TG: variants seen among roughly 807,000 people sequenced by gnomAD.
TG encodes thyroid hormones.
Under a neutral mutation model 324.7 loss-of-function variants are expected in TG, and 270 were observed. The ratio of observed to expected loss-of-function variants is 0.83; its 90% confidence interval spans 0.75 to 0.92. The LOEUF is 0.92. TG is among the 40% of genes least tolerant of loss of function. The pLI, the probability that TG is intolerant of heterozygous loss-of-function variation, is 0.00. For synonymous variants in TG, 1,401 were observed against 1,327.0 expected (o/e 1.06, Z -1.21); for missense variants, 3,591 against 3,456.4 (o/e 1.04, Z -0.98).
intron 35 of TG, among the ~76,000 whole-genome samples, chr8:132,989,795 G>T (rs903286406): frequency 1.3e-5 from 2 of 152,128 alleles, no homozygotes; most frequent in African/African-American, 2.4e-5. Context: ...TGTCAGCACC[G>T]GCGGGAAGCA....
chr8:132,871,641 GAA>G, intron 4 of TG, 90 bp downstream of exon 4: 1 of 1,311,836 alleles, frequency 7.6e-7, no homozygotes, highest in African/African-American at 1.5e-5. Flanking sequence ...GTTTCCTGCC[GAA>G]GTGGGCAGAG....
chr8:132,964,542 A>G, intron 29 of TG: 1 of 212,688 alleles, frequency 4.7e-6, no homozygotes, highest in Non-Finnish European at 9.3e-6. Context: ...TTTGTGTATC[A>G]GGTTACTCCC....
At chr8:133,041,002 C>T (rs555082593) in intron 41 of TG, among the ~76,000 whole-genome samples, 6 of 152,310 alleles carry the variant, frequency 3.9e-5, no homozygotes, top group East Asian at 1.9e-4. Context: ...ATGTAGCTTC[C>T]GTCTCTTGGA....
chr8:132,971,146 C>A (rs1829460322), intron 32 of TG, among the ~76,000 whole-genome samples: 2 of 152,250 alleles, frequency 1.3e-5, no homozygotes, highest in South Asian at 4.2e-4. Context: ...GCCATTAAGT[C>A]CCTCCTGCCA....
intron 5 of TG, among the ~76,000 whole-genome samples, chr8:132,875,985 G>C (rs1001279446): frequency 2.0e-5 from 3 of 152,118 alleles, no homozygotes; most frequent in African/African-American, 7.2e-5. Flanking sequence ...AGCAAGTTAC[G>C]TTTGAATTTC....
chr8:133,107,989 T>TTTTC (rs1849958057), intron 43 of TG, among the ~76,000 whole-genome samples: 1 of 147,906 alleles, frequency 6.8e-6, no homozygotes. Context: ...CTTCTTTTTT[T>TTTTC]TTTTTTTTTT....
Position 133,062,832 on chromosome 8 carries a change from T to A in TG, c.7240-32212T>A, listed in dbSNP as rs953450462. Among the ~76,000 whole-genome samples, 11 of 152,150 alleles carry A rather than the reference T, an allele frequency of 7.2e-5. 1 individual carries two copies. Among genetic ancestry groups the A allele is most frequent in the Admixed American group, 2.6e-4 (4 of 15,292 alleles). On this transcript the variant is annotated intron_variant, in intron 41 of 47. Transcript: ENST00000220616. ...GCACAGGCCTCAGGAAGCACACATG[T>A]GACACGCACAGGGTGTCTTACACAG...
chr8:133,012,076 C>G, intron 36 of TG, 41 bp downstream of exon 36: 1 of 1,613,666 alleles, frequency 6.2e-7, no homozygotes, highest in Non-Finnish European at 8.5e-7. Flanking sequence ...TGGGACAAAA[C>G]CTCACACAAG....
At chr8:132,974,973 C>T (rs997770088) in intron 34 of TG, among the ~76,000 whole-genome samples, 2 of 152,170 alleles carry the variant, frequency 1.3e-5, no homozygotes, top group Non-Finnish European at 2.9e-5. Flanking sequence ...ACTCTATTGG[C>T]TTTTTATTTT....
intron 35 of TG, among the ~76,000 whole-genome samples, chr8:132,989,350 T>G (rs1832017360): frequency 6.6e-6 from 1 of 152,252 alleles, no homozygotes; most frequent in Non-Finnish European, 1.5e-5. Flanking sequence ...CTCCATTCTA[T>G]GTGTGTTTCA....
intron 35 of TG, chr8:133,002,773 T>C (rs961552043): frequency 5.4e-5 from 13 of 239,702 alleles, no homozygotes; most frequent in Admixed American, 1.6e-4. Context: ...TTCAGGAAGC[T>C]ATCTTGACTC....
intron 40 of TG, among the ~76,000 whole-genome samples, chr8:133,028,622 A>G (rs557633058): frequency 1.3e-5 from 2 of 152,298 alleles, no homozygotes; most frequent in South Asian, 2.1e-4. Context: ...AGGAAGTGCT[A>G]TTATCACCCC....
chr8:132,911,496 C>T lies in TG; in HGVS notation c.4122C>T (p.Asp1374=). 1 of 1,614,172 alleles carries T rather than the reference C, an allele frequency of 6.2e-7. No homozygotes were observed. The highest frequency in any genetic ancestry group is 8.5e-7 in the Non-Finnish European group (1 of 1,180,020). ...TTACATGGAAATCACGGCTTGAGGA[C>T]ATCCCAGTGGCTTCTCTTCCTGACT... is the stretch of plus-strand genomic sequence containing the variant. ...VNVTWKSRLE[D]IPVASLPDLH... is the part of the protein sequence containing the mutation. The change falls in exon 19 of 48, where the codon GAC becomes GAT. Residue 1374 remains aspartate, a synonymous_variant. Transcript: ENST00000220616.
At chr8:133,080,225 G>T (rs1224640294) in intron 41 of TG, among the ~76,000 whole-genome samples, 1 of 152,166 alleles carries the variant, frequency 6.6e-6, no homozygotes, top group African/African-American at 2.4e-5. Flanking sequence ...TGTGTTCAAG[G>T]AGCAGACAGA....
chr8:132,935,672 G>A (rs1407800553), intron 24 of TG, 84 bp from the exon 25 acceptor site: 18 of 1,248,398 alleles, frequency 1.4e-5, no homozygotes, highest in Non-Finnish European at 2.0e-5. Context: ...CTGGTGCCTA[G>A]CCATGGTTAG....
At chr8:133,002,605 C>A in intron 35 of TG, 1 of 234,288 alleles carries the variant, frequency 4.3e-6, no homozygotes, top group Non-Finnish European at 7.5e-6. Context: ...TTAACATCTA[C>A]TATGCCATGA....
intron 28 of TG, among the ~76,000 whole-genome samples, chr8:132,962,039 A>G (rs891661321): frequency 3.9e-5 from 6 of 152,146 alleles, no homozygotes; most frequent in African/African-American, 1.4e-4. Flanking sequence ...TGCCTGAGCA[A>G]TAATACATCA....
At chr8:132,966,525 A>T (rs1204732539) in intron 29 of TG, 35 bp from the exon 30 acceptor site, 2 of 1,613,476 alleles carry the variant, frequency 1.2e-6, no homozygotes, top group South Asian at 1.1e-5. Flanking sequence ...CTAGAGTTAA[A>T]GGTGCAGGAA....
chr8:133,004,096 C>T (rs1199362599), intron 35 of TG, among the ~76,000 whole-genome samples: 1 of 152,206 alleles, frequency 6.6e-6, no homozygotes, highest in African/African-American at 2.4e-5. Flanking sequence ...GGCTGTATGA[C>T]CTCAATGAGT....
Sources: allele counts gnomAD v4.1 joint callset (sites outside exome capture counted in the v4.1 genomes callset), GRCh38; gene constraint gnomAD v4.1.1; transcripts MANE v1.5; gene names NCBI Gene and HGNC (gene_info 2026-07-23, HGNC 2026-07-21).